ERC1: variants seen among roughly 807,000 people sequenced by gnomAD.
ERC1 encodes ELKS/RAB6-interacting/CAST family member 1, also known as RAB6 interacting protein 2.
A neutral mutation model predicts 132.0 loss-of-function variants in ERC1; 56 were observed. The ratio of observed to expected loss-of-function variants is 0.42; its 90% confidence interval spans 0.34 to 0.53. The LOEUF is 0.53. ERC1 is among the 20% of genes least tolerant of loss of function. ERC1 has a pLI of 0.03. For synonymous variants in ERC1, 478 were observed against 476.1 expected (o/e 1.00, Z -0.05); for missense variants, 1,202 against 1,349.9 (o/e 0.89, Z 1.72).
chr12:1,424,166 C>G (rs532222489), intron 17 of ERC1, among the ~76,000 whole-genome samples: 1 of 152,188 alleles, frequency 6.6e-6, no homozygotes, highest in Non-Finnish European at 1.5e-5. Flanking sequence ...AGCGTTGGTC[C>G]TAGCCTTCTA....
intron 2 of ERC1, among the ~76,000 whole-genome samples, chr12:1,029,161 T>A (rs1967496449): frequency 6.6e-6 from 1 of 152,122 alleles, no homozygotes; most frequent in Non-Finnish European, 1.5e-5. Flanking sequence ...GAGACCAGCC[T>A]GGCGACGTGG....
At chr12:1,069,773 ATAT>A (rs1226623214) in intron 2 of ERC1, among the ~76,000 whole-genome samples, 1 of 152,210 alleles carries the variant, frequency 6.6e-6, no homozygotes, top group Non-Finnish European at 1.5e-5. Context: ...ATGAATATTC[ATAT>A]TAAGTGGGAT....
chr12:1,128,100 G>T (rs937127178), intron 7 of ERC1, among the ~76,000 whole-genome samples: 2 of 152,188 alleles, frequency 1.3e-5, no homozygotes, highest in Non-Finnish European at 1.5e-5. Flanking sequence ...AACCTAGTAC[G>T]TGTAGATTCC....
chr12:1,438,954 A>AAATATAT (rs1015181197), intron 17 of ERC1, among the ~76,000 whole-genome samples: 5 of 143,492 alleles, frequency 3.5e-5, no homozygotes, highest in Non-Finnish European at 7.7e-5. Flanking sequence ...TTTAAAAAAA[A>AAATATAT]ATATATATAT....
chr12:1,138,331 A>G (rs1260434817), intron 7 of ERC1, among the ~76,000 whole-genome samples: 1 of 130,194 alleles, frequency 7.7e-6, no homozygotes, highest in Admixed American at 7.7e-5. Context: ...TGTTGTATAT[A>G]ATATATGTTA....
chr12:1,348,518 C>T (rs151029253), intron 15 of ERC1, among the ~76,000 whole-genome samples: 3,750 of 152,088 alleles, frequency 0.025, 74 homozygotes, highest in South Asian at 0.086. Context: ...CATGGTGAAA[C>T]CCCGTCTCTA....
chr12:1,241,281 A>G (rs1177386564), intron 13 of ERC1, among the ~76,000 whole-genome samples: 4 of 152,162 alleles, frequency 2.6e-5, no homozygotes, highest in East Asian at 1.9e-4. Flanking sequence ...CGTTTTTCAC[A>G]TGTAATGATC....
At chr12:1,488,011 G>A (rs11061779) in intron 18 of ERC1, among the ~76,000 whole-genome samples, 9 of 151,896 alleles carry the variant, frequency 5.9e-5, no homozygotes, top group South Asian at 2.1e-4. Flanking sequence ...GGTAGCAGGC[G>A]CCTGTAGTCC....
At chr12:1,406,913 A>G (rs755698846) in intron 16 of ERC1, among the ~76,000 whole-genome samples, 44 of 152,174 alleles carry the variant, frequency 2.9e-4, no homozygotes, top group Non-Finnish European at 4.4e-4. Flanking sequence ...TTTAGTGAGT[A>G]TTTTTAAATC....
At chr12:1,057,585 GTTTTTTTTTTTTT>G (rs59761885) in intron 2 of ERC1, among the ~76,000 whole-genome samples, 8 of 47,696 alleles carry the variant, frequency 1.7e-4, no homozygotes, top group Admixed American at 6.5e-4. Context: ...GATGCGCATG[GTTTTTTTTTTTTT>G]TTTTTTTTTT....
rs1287636382 is a variant in ERC1 at position 1,435,796 on chromosome 12, C to T, written c.3025-8766C>T. On this transcript the variant is annotated intron_variant, in intron 17 of 18. Transcript: ENST00000360905. Reference sequence around the variant, plus strand: ...GATGTTAGCATTAAAGATCAGATTTCTGTATGTGACTTGCCTTTCTCCAAT... The same window carrying T: ...GATGTTAGCATTAAAGATCAGATTTTTGTATGTGACTTGCCTTTCTCCAAT... Among the ~76,000 whole-genome samples the T allele has an allele frequency of 4.6e-5, 7 of 152,280 alleles. No homozygotes were observed. In the South Asian group the frequency reaches 6.2e-4, roughly 14 times the overall value.
At chr12:1,037,285 GAAATA>G (rs1270672511) in intron 2 of ERC1, among the ~76,000 whole-genome samples, 1 of 152,130 alleles carries the variant, frequency 6.6e-6, no homozygotes, top group Non-Finnish European at 1.5e-5. Context: ...TCATCTCAGT[GAAATA>G]AAATTGTTTT....
At chr12:1,398,020 C>T (rs952254455) in intron 16 of ERC1, among the ~76,000 whole-genome samples, 2 of 152,106 alleles carry the variant, frequency 1.3e-5, no homozygotes, top group Non-Finnish European at 2.9e-5. Context: ...TGGTCTCACT[C>T]TCTCCCAGGC....
At chr12:1,234,640 C>T (rs2092889752) in intron 12 of ERC1, among the ~76,000 whole-genome samples, 1 of 152,050 alleles carries the variant, frequency 6.6e-6, no homozygotes, top group African/African-American at 2.4e-5. Context: ...CCAAGAACAG[C>T]CAAGAGAGTT....
intron 3 of ERC1, among the ~76,000 whole-genome samples, chr12:1,101,502 C>A (rs1316831535): frequency 6.6e-6 from 1 of 152,214 alleles, no homozygotes; most frequent in East Asian, 1.9e-4. Context: ...TGTAAATATT[C>A]ATGTCCCGGC....
chr12:1,392,563 A>T (rs1591726320), intron 16 of ERC1, among the ~76,000 whole-genome samples: 2 of 152,198 alleles, frequency 1.3e-5, no homozygotes, highest in East Asian at 3.8e-4. Flanking sequence ...TTTGATGTCT[A>T]GTATCATTAC....
At chr12:1,354,688 T>G (rs1460219863) in intron 15 of ERC1, among the ~76,000 whole-genome samples, 1 of 152,210 alleles carries the variant, frequency 6.6e-6, no homozygotes, top group African/African-American at 2.4e-5. Context: ...CCTTGCTCTG[T>G]CATCCAGGCT....
In ERC1 at chr12:1,052,183, A is replaced by C. The variant is rs147959916; in HGVS notation, c.669+23611A>C. Among the ~76,000 whole-genome samples, 64 of 152,370 alleles carry C rather than the reference A, an allele frequency of 4.2e-4. No individual in the cohort carries two copies. In the East Asian group the frequency reaches 7.3e-3, roughly 17 times the overall value. On this transcript the variant is annotated intron_variant, in intron 2 of 18. Coordinates refer to ENST00000360905, the MANE Select transcript of ERC1 (RefSeq NM_178040.4). ...TCGAGTAGGTCTGGGGTGGGGCACA[A>C]GATTTAATTTCCCAGGTGATGCTTC...
intron 15 of ERC1, among the ~76,000 whole-genome samples, chr12:1,310,208 T>TA (rs201350974): frequency 1.8e-4 from 25 of 141,974 alleles, no homozygotes; most frequent in East Asian, 3.9e-4. Flanking sequence ...TAAACAGTTC[T>TA]TTTTTATTTT....
Sources: gnomAD v4.1 joint callset for allele counts (sites outside exome capture counted in the v4.1 genomes callset) on GRCh38, gnomAD v4.1.1 for gene constraint, MANE v1.5 for transcripts, NCBI Gene and HGNC (gene_info 2026-07-23, HGNC 2026-07-21) for gene names.